Variants in POLG observed in about 807,000 individuals in gnomAD.
The protein encoded by POLG is DNA polymerase gamma, catalytic subunit.
Under a neutral mutation model 155.4 loss-of-function variants are expected in POLG, and 110 were observed. The observed-to-expected ratio is 0.71, with a 90% CI of 0.61 to 0.83. The LOEUF (loss-of-function observed/expected upper bound fraction) is 0.83. Among genes scored for constraint, POLG ranks in the 40% least tolerant of loss-of-function variants. The pLI is 0.00. For synonymous variants in POLG, 701 were observed against 631.5 expected (o/e 1.11, Z -1.65); for missense variants, 1,685 against 1,627.5 (o/e 1.04, Z -0.61).
Position 89,333,107 on chromosome 15 carries a change from G to T in POLG, c.648C>A (p.Ser216=). 6.6e-7 allele frequency: 1 copy of T among 1,519,292 alleles called. No homozygotes were observed. The allele number at this position is 1,519,292 out of a possible 1,614,324, so 94.1% of individuals were successfully genotyped here. A position where few individuals can be genotyped will look rare whatever the true frequency, so the allele number is the denominator to read the frequency against. Residue 216 remains serine, a synonymous_variant, in exon 2 of 23, where the codon TCC becomes TCA. Coordinates refer to ENST00000268124, the MANE Select transcript of POLG (RefSeq NM_002693.3). ...CTGCCCCTACTTACCAGGCCGAGGGGGATATGGCCACCGCCAATGTGGGGC... is the reference window on the plus strand; with the variant it reads ...CTGCCCCTACTTACCAGGCCGAGGGTGATATGGCCACCGCCAATGTGGGGC... The part of the protein sequence containing the change: ...GTCPTLAVAI[S]PSAWYSWCSQ...
chr15:89,330,756 TGC>T (rs2055583812), intron 2 of POLG, among the ~76,000 whole-genome samples: 1 of 45,256 alleles, frequency 2.2e-5, no homozygotes, highest in Non-Finnish European at 4.0e-5. Flanking sequence ...TGACAAATGC[TGC>T]TGCACACATG....
chr15:89,323,317 G>T lies in POLG; in HGVS notation c.2265+87C>A. The T allele has an allele frequency of 3.7e-6, 3 of 809,180 alleles. No homozygotes were observed. In the Admixed American group the frequency reaches 5.9e-5, roughly 16 times the overall value. 50.1% of individuals were successfully genotyped at this position (809,180 alleles called of 1,614,324 possible). A position where few individuals can be genotyped will look rare whatever the true frequency, so the allele number is the denominator to read the frequency against. Reference sequence around the variant, plus strand: ...ACTAGTCATTCCCACAAAAAGGAAAGTCTCAGGTGTGTCACTCTGAAGGCC... The same window carrying T: ...ACTAGTCATTCCCACAAAAAGGAAATTCTCAGGTGTGTCACTCTGAAGGCC... On this transcript the variant is annotated intron_variant, in intron 13 of 22. Coordinates refer to ENST00000268124, the MANE Select transcript of POLG (RefSeq NM_002693.3).
rs1567189708 is a variant in POLG at position 89,325,177 on chromosome 15, AGAGAGTGAGTGAGTG to A, written c.1949+258_1949+272del. Among the ~76,000 whole-genome samples, 73 of 93,616 alleles carry A rather than the reference AGAGAGTGAGTGAGTG, an allele frequency of 7.8e-4. 7 individuals carry two copies. Among genetic ancestry groups the A allele is most frequent in the Non-Finnish European group, 9.1e-4 (42 of 46,184 alleles). The allele number at this position is 93,616 out of a possible 152,430, so 61.4% of individuals were successfully genotyped here. A position where few individuals can be genotyped will look rare whatever the true frequency, so the allele number is the denominator to read the frequency against. On this transcript the variant is annotated intron_variant, in intron 10 of 22. Transcript: ENST00000268124. ...GAGTGAGTGAGTGAGTGAGAGAGTG[AGAGAGTGAGTGAGTG>A]AGAGAGTGAGTGAGAGAGTGAGTGA...
Position 89,323,411 on chromosome 15 carries a change from G to C in POLG, c.2258C>G (p.Pro753Arg), listed in dbSNP as rs923667033. The C allele has an allele frequency of 2.5e-6, 4 of 1,607,682 alleles. No homozygotes were observed. The highest frequency in any genetic ancestry group is 3.4e-6 in the Non-Finnish European group (4 of 1,174,164). ...DIPGCWFFKL[P>R]HKDGNSCNVG... The stretch of plus-strand genomic sequence containing the variant: ...CCATGACCCAGGACACACCTTGTGA[G>C]GCAGCTTGAAAAACCAGCAGCCAGG... Residue 753 changes from proline (P) to arginine (R), a missense_variant, in exon 13 of 23, where the codon CCT becomes CGT. This residue lies in a region of POLG where 1,210 missense variants were observed against 1,167.1 expected (regional missense o/e 1.04). Coordinates refer to ENST00000268124, the MANE Select transcript of POLG (RefSeq NM_002693.3).
At chr15:89,329,935 G>C in intron 3 of POLG, 146 bp downstream of exon 3, 1 of 733,996 alleles carries the variant, frequency 1.4e-6, no homozygotes, top group Non-Finnish European at 2.4e-6. Flanking sequence ...GAGACCAGAG[G>C]CACAGCTGGT....
In POLG at chr15:89,321,708, A is replaced by T. The variant is rs1020120703; in HGVS notation, c.2598+28T>A. ...TCTACAGACCTGGGAGAGGAAGAGC[A>T]GGGGCCAGAGGTACAGAGGTCACAT... On this transcript the variant is annotated intron_variant, in intron 16 of 22. Transcript: ENST00000268124. 3.4e-5 allele frequency: 51 copies of T among 1,496,666 alleles called. No homozygotes were observed. The highest frequency in any genetic ancestry group is 4.2e-5 in the Non-Finnish European group (45 of 1,073,868). The allele number at this position is 1,496,666 out of a possible 1,614,324, so 92.7% of individuals were successfully genotyped here.
At position 89,325,255 on chromosome 15, in the gene POLG, AGAGTGAGTGAGTGAGT is replaced by A. The variant is rs778311091; in HGVS notation, c.1949+179_1949+194del. Reference sequence around the variant, plus strand: ...GTGAGAGAGTGAGTGAGTGAGAGAGAGAGTGAGTGAGTGAGTGAGAGAGAGAGAAAGAGAGAGAGAG... The same window carrying A: ...GTGAGAGAGTGAGTGAGTGAGAGAGAGAGAGAGAGAGAAAGAGAGAGAGAG... On this transcript the variant is annotated intron_variant, in intron 10 of 22. Transcript: ENST00000268124. Among the ~76,000 whole-genome samples, 153 of 39,216 alleles carry A rather than the reference AGAGTGAGTGAGTGAGT, an allele frequency of 3.9e-3. 42 individuals carry two copies. The highest frequency in any genetic ancestry group is 0.027 in the African/African-American group (149 of 5,564). The allele number at this position is 39,216 out of a possible 152,430, so 25.7% of individuals were successfully genotyped here.
intron 22 of POLG, 76 bp from the exon 23 acceptor site, chr15:89,316,903 T>A: frequency 9.5e-7 from 1 of 1,056,778 alleles, no homozygotes; most frequent in Non-Finnish European, 1.5e-6. Flanking sequence ...GCAAAGGAGC[T>A]TAATGCTAAG....
chr15:89,319,177 G>A (rs376217790), intron 19 of POLG, 51 bp downstream of exon 19: 5 of 1,614,126 alleles, frequency 3.1e-6, no homozygotes, highest in African/African-American at 1.3e-5. Flanking sequence ...AAGCTCTTCT[G>A]GGGCAAGCCC....
Position 89,327,287 on chromosome 15 carries a change from T to C in POLG, c.1313A>G (p.Asn438Ser), listed in dbSNP as rs781523167. 6.2e-7 allele frequency: 1 copy of C among 1,614,038 alleles called. No individual in the cohort carries two copies. Among genetic ancestry groups the C allele is most frequent in the East Asian group, 2.2e-5 (1 of 44,896 alleles). The change falls in exon 7 of 23, where the codon AAC (asparagine) becomes AGC (serine). Residue 438 changes from asparagine (N) to serine (S), a missense_variant. Asn to Ser is a conservative substitution (Grantham distance 46). Transcript: ENST00000268124. ...LEMGVSYLPV[N>S]QNWERYLAEA... ...TGCCAGGTAACGCTCCCAGTTCTGG[T>C]TGACAGGCAGGTAGGAGACACCCAT... is the stretch of plus-strand genomic sequence containing the variant.
intron 1 of POLG, chr15:89,334,288 G>A (rs745410175): frequency 9.6e-5 from 16 of 166,484 alleles, no homozygotes; most frequent in Non-Finnish European, 1.4e-4. Flanking sequence ...ACACCGGGCT[G>A]CTGTCTGGGG....
chr15:89,322,612 A>T, intron 14 of POLG, 130 bp downstream of exon 14: 1 of 964,768 alleles, frequency 1.0e-6, no homozygotes, highest in Non-Finnish European at 1.7e-6. Context: ...CCATGGCACC[A>T]GGACCAAAAG....
rs1567189743 is a variant in POLG at position 89,325,185 on chromosome 15, AGTG to A, written c.1949+262_1949+264del. 1.7e-4 allele frequency among the ~76,000 whole-genome samples: 17 copies of A among 98,774 alleles called. 4 individuals are homozygous for A. Among genetic ancestry groups the A allele is most frequent in the African/African-American group, 6.8e-4 (17 of 25,154 alleles). 64.8% of individuals were successfully genotyped at this position (98,774 alleles called of 152,430 possible). A position where few individuals can be genotyped will look rare whatever the true frequency, so the allele number is the denominator to read the frequency against. On this transcript the variant is annotated intron_variant, in intron 10 of 22. Transcript: ENST00000268124. The stretch of plus-strand genomic sequence containing the variant: ...GAGTGAGTGAGAGAGTGAGAGAGTG[AGTG>A]AGTGAGAGAGTGAGTGAGAGAGTGA...
intron 6 of POLG, among the ~76,000 whole-genome samples, chr15:89,328,122 AC>A (rs894951020): frequency 1.3e-5 from 2 of 152,222 alleles, no homozygotes; most frequent in Non-Finnish European, 2.9e-5. Context: ...TTTTCAGCAT[AC>A]AAGGGTCACT....
rs779409525 is a variant in POLG, at chr15:89,333,654, T to A, written c.101A>T (p.Asp34Val). ...RWVSSSVPASDPSDGQRRRQQ... is the reference protein window; with the variant it reads ...RWVSSSVPASVPSDGQRRRQQ... Reference sequence around the variant, plus strand: ...CCGCCGCCGCTGCCCGTCGCTGGGGTCGGACGCGGGGACGGAGCTGGAGAC... The same window carrying A: ...CCGCCGCCGCTGCCCGTCGCTGGGGACGGACGCGGGGACGGAGCTGGAGAC... Residue 34 changes from aspartate (D) to valine (V), a missense_variant, in exon 2 of 23, where the codon GAC becomes GTC. Physicochemically the swap from Asp to Val is radical, Grantham distance 152. This residue lies in a region of POLG where 1,210 missense variants were observed against 1,167.1 expected (regional missense o/e 1.04). Coordinates refer to ENST00000268124, the MANE Select transcript of POLG (RefSeq NM_002693.3). 6.3e-7 allele frequency: 1 copy of A among 1,576,986 alleles called. No homozygotes were observed. The highest frequency in any genetic ancestry group is 8.6e-7 in the Non-Finnish European group (1 of 1,166,170).
rs1596348602 is a variant in POLG at position 89,317,505 on chromosome 15, C to T, written c.3514G>A (p.Asp1172Asn). 1.2e-6 allele frequency: 2 copies of T among 1,614,148 alleles called. No individual in the cohort carries two copies. The highest frequency in any genetic ancestry group is 1.3e-5 in the African/African-American group (1 of 75,046). The change falls in exon 22 of 23, where the codon GAC becomes AAC. Residue 1172 changes from aspartate to asparagine, a missense_variant. Asp to Asn is a conservative substitution (Grantham distance 23). Transcript: ENST00000268124. ...AAAAAGGCGACTGACTGGGGCAAGT[C>T]ATTCAGACCCAGCTTGTAGGCAAAC... ...CMFAYKLGLNDLPQSVAFFSA... is the reference protein window; with the variant it reads ...CMFAYKLGLNNLPQSVAFFSA...
At chr15:89,319,179 G>T in intron 19 of POLG, 49 bp downstream of exon 19, 1 of 1,614,126 alleles carries the variant, frequency 6.2e-7, no homozygotes. Context: ...GCTCTTCTGG[G>T]GCAAGCCCAG....
At chr15:89,317,634 C>T in intron 21 of POLG, 98 bp from the exon 22 acceptor site, 2 of 1,186,128 alleles carry the variant, frequency 1.7e-6, no homozygotes, top group South Asian at 2.4e-5. Flanking sequence ...AGCAGGGCTT[C>T]CCCTGGACCA....
intron 21 of POLG, 47 bp from the exon 22 acceptor site, chr15:89,317,583 C>A (rs970845467): frequency 1.3e-6 from 2 of 1,571,390 alleles, no homozygotes; most frequent in Non-Finnish European, 1.7e-6. Flanking sequence ...CTCCTGTGAA[C>A]AGATGCATCA....
Sources: gnomAD v4.1 joint callset for allele counts (sites outside exome capture counted in the v4.1 genomes callset) on GRCh38, gnomAD v4.1.1 for gene constraint, gnomAD v4.1.1 regional missense constraint, MANE v1.5 for transcripts, NCBI Gene and HGNC (gene_info 2026-07-23, HGNC 2026-07-21) for gene names.